The following PTPRD variants were observed in gnomAD, a reference collection of about 807,000 sequenced individuals.
PTPRD encodes the protein receptor-type tyrosine-protein phosphatase delta.
PTPRD carries 34 observed loss-of-function variants against 214.5 expected under a neutral mutation model. The ratio of observed to expected loss-of-function variants is 0.16; its 90% CI spans 0.12 to 0.21. The LOEUF (loss-of-function observed/expected upper bound fraction) is 0.21, where lower values mean the gene tolerates loss of function less well. PTPRD is among the 10% of genes least tolerant of loss of function. PTPRD has a pLI of 1.00. For missense variants in PTPRD, 2,545 were observed against 2,398.7 expected (o/e 1.06, Z -1.27); for synonymous variants, 1,128 against 845.7 (o/e 1.33, Z -5.79).
At chr9:9,366,657 C>T (rs756977144) in intron 9 of PTPRD, among the ~76,000 whole-genome samples, 6 of 151,336 alleles carry the variant, frequency 4.0e-5, no homozygotes, top group Non-Finnish European at 8.9e-5. Context: ...CATCATCATA[C>T]CAGTTACATT....
chr9:9,443,885 G>A (rs2089332647), intron 8 of PTPRD, among the ~76,000 whole-genome samples: 2 of 152,206 alleles, frequency 1.3e-5, no homozygotes, highest in Admixed American at 6.5e-5. Context: ...ACTGGAACAA[G>A]CTTGAAAGCA....
At chr9:9,631,272 T>C (rs983856026) in intron 7 of PTPRD, among the ~76,000 whole-genome samples, 25 of 149,958 alleles carry the variant, frequency 1.7e-4, no homozygotes, top group Middle Eastern at 3.2e-3. Context: ...GGGTGGAGTA[T>C]AGACTCTAAT....
chr9:9,591,009 C>G (rs1334994724), intron 7 of PTPRD, among the ~76,000 whole-genome samples: 1 of 151,960 alleles, frequency 6.6e-6, no homozygotes, highest in Non-Finnish European at 1.5e-5. Context: ...GCAGCACGAC[C>G]CCCTAAAGGT....
chr9:9,487,130 T>C (rs973441733), intron 8 of PTPRD, among the ~76,000 whole-genome samples: 2 of 152,212 alleles, frequency 1.3e-5, no homozygotes, highest in African/African-American at 4.8e-5. Flanking sequence ...TACATATGTA[T>C]ACATGTGCCA....
intron 11 of PTPRD, among the ~76,000 whole-genome samples, chr9:8,745,640 G>A (rs539378333): frequency 9.9e-5 from 15 of 152,256 alleles, no homozygotes; most frequent in Middle Eastern, 3.4e-3. Context: ...TTATAGACGT[G>A]CTTGGAAGGA....
intron 9 of PTPRD, among the ~76,000 whole-genome samples, chr9:9,363,294 C>T (rs1256849219): frequency 1.3e-5 from 2 of 151,032 alleles, no homozygotes; most frequent in African/African-American, 4.8e-5. Context: ...CAAGTCTTAA[C>T]ATTCTAGATA....
intron 12 of PTPRD, among the ~76,000 whole-genome samples, chr9:8,709,393 T>C (rs922210219): frequency 1.3e-5 from 2 of 151,052 alleles, no homozygotes; most frequent in Non-Finnish European, 2.9e-5. Context: ...CAGGCACCTG[T>C]AGTCCCAGCT....
At chr9:9,765,416 C>A (rs1014822861) in intron 6 of PTPRD, among the ~76,000 whole-genome samples, 1 of 152,076 alleles carries the variant, frequency 6.6e-6, no homozygotes, top group South Asian at 2.1e-4. Context: ...CTGATAACCT[C>A]AAACCAAGGA....
chr9:10,189,101 G>T (rs1357666316), intron 3 of PTPRD, among the ~76,000 whole-genome samples: 1 of 152,050 alleles, frequency 6.6e-6, no homozygotes, highest in Non-Finnish European at 1.5e-5. Context: ...TGTCCATTGT[G>T]AGGATGTGCT....
At chr9:9,658,115 T>G (rs2096556114) in intron 7 of PTPRD, among the ~76,000 whole-genome samples, 1 of 152,212 alleles carries the variant, frequency 6.6e-6, no homozygotes, top group South Asian at 2.1e-4. Flanking sequence ...TTTTTTTTAT[T>G]TAATGAGAGT....
At chr9:9,252,158 G>T (rs1021038993) in intron 9 of PTPRD, among the ~76,000 whole-genome samples, 8 of 151,842 alleles carry the variant, frequency 5.3e-5, no homozygotes, top group East Asian at 2.0e-4. Flanking sequence ...ATGCCTCTTT[G>T]GCATAAAGCT....
At chr9:9,874,684 CCAGT>C (rs1280844874) in intron 5 of PTPRD, among the ~76,000 whole-genome samples, 1 of 152,126 alleles carries the variant, frequency 6.6e-6, no homozygotes, top group African/African-American at 2.4e-5. Flanking sequence ...TCACAGTCCT[CCAGT>C]CAAACATTAA....
At chr9:9,820,657 A>G (rs1487927554) in intron 5 of PTPRD, among the ~76,000 whole-genome samples, 2 of 151,926 alleles carry the variant, frequency 1.3e-5, no homozygotes, top group Non-Finnish European at 2.9e-5. Flanking sequence ...AGTTAATTTT[A>G]CATATGGCAA....
intron 14 of PTPRD, among the ~76,000 whole-genome samples, chr9:8,615,125 T>C (rs1291911645): frequency 3.9e-5 from 6 of 152,272 alleles, no homozygotes; most frequent in Admixed American, 2.6e-4. Context: ...TAACTCAGCT[T>C]AGCCACTGAA....
chr9:8,427,204 G>T (rs1032263020), intron 35 of PTPRD, among the ~76,000 whole-genome samples: 1 of 152,168 alleles, frequency 6.6e-6, no homozygotes, highest in Non-Finnish European at 1.5e-5. Context: ...AATCTGAGAG[G>T]TCTGCATTAA....
chr9:8,595,505 G>A (rs1198995735), intron 14 of PTPRD, among the ~76,000 whole-genome samples: 4 of 152,074 alleles, frequency 2.6e-5, no homozygotes, highest in East Asian at 1.9e-4. Context: ...GTACACACAT[G>A]TAGACTTTAT....
At chr9:8,362,616 A>G (rs2078791962) in intron 39 of PTPRD, among the ~76,000 whole-genome samples, 1 of 152,216 alleles carries the variant, frequency 6.6e-6, no homozygotes, top group South Asian at 2.1e-4. Flanking sequence ...CTATAAACCA[A>G]AATTTGGACT....
Position 9,966,446 on chromosome 9 carries a change from A to G in PTPRD, c.-471-27836T>C, listed in dbSNP as rs138187324. 2.6e-5 allele frequency among the ~76,000 whole-genome samples: 4 copies of G among 152,314 alleles called. No individual in the cohort carries two copies. The East Asian group carries it at 7.7e-4, about 29-fold the overall frequency. On this transcript the variant is annotated intron_variant, in intron 4 of 45. Transcript: ENST00000381196. ...TATGGCAGCAAGGAGGTACCTTATC[A>G]GTAAAAGCTCTTGCTTCCATTGTAG...
intron 11 of PTPRD, among the ~76,000 whole-genome samples, chr9:8,855,212 C>A (rs574135976): frequency 2.0e-5 from 3 of 151,482 alleles, no homozygotes; most frequent in Non-Finnish European, 4.4e-5. Context: ...AACAGTTATA[C>A]AGGCCCCTAG....
Sources: gnomAD v4.1 joint callset for allele counts (sites outside exome capture counted in the v4.1 genomes callset) on GRCh38, gnomAD v4.1.1 for gene constraint, MANE v1.5 for transcripts, NCBI Gene and HGNC (gene_info 2026-07-23, HGNC 2026-07-21) for gene names.